Variants in TLE3 observed in about 807,000 individuals in gnomAD.
The protein encoded by TLE3 is transducin-like enhancer protein 3.
TLE3 carries 14 observed loss-of-function variants against 93.0 expected under a neutral mutation model. The ratio of observed to expected loss-of-function variants is 0.15; its 90% CI spans 0.10 to 0.24. The LOEUF (loss-of-function observed/expected upper bound fraction) is 0.24, where lower values mean the gene tolerates loss of function less well. Among genes scored for constraint, TLE3 ranks in the 10% least tolerant of loss-of-function variants. The pLI is 1.00. For missense variants in TLE3, 693 were observed against 1,046.6 expected (o/e 0.66, Z 4.66); for synonymous variants, 451 against 425.0 (o/e 1.06, Z -0.75).
At chr15:70,065,170 T>C (rs1003113991) in intron 7 of TLE3, among the ~76,000 whole-genome samples, 3 of 152,250 alleles carry the variant, frequency 2.0e-5, no homozygotes, top group African/African-American at 7.2e-5. Context: ...CAAGGCAGGA[T>C]GGTGACATTC....
intron 1 of TLE3, 69 bp downstream of exon 1, chr15:70,096,706 T>C: frequency 6.3e-7 from 1 of 1,591,666 alleles, no homozygotes; most frequent in Non-Finnish European, 8.6e-7. Flanking sequence ...AAAATGGAGG[T>C]GCCAGATAAA....
At chr15:70,083,775 A>C (rs184338036) in intron 4 of TLE3, among the ~76,000 whole-genome samples, 1,908 of 152,088 alleles carry the variant, frequency 0.013, 20 homozygotes, top group South Asian at 0.068. Flanking sequence ...GTCTCCCCCC[A>C]TCAGGTCAGC....
Position 70,096,038 on chromosome 15 carries a change from A to G in TLE3, c.125+123T>C, listed in dbSNP as rs925388983. 1.1e-5 allele frequency: 12 copies of G among 1,119,604 alleles called. No homozygotes were observed. In the African/African-American group the frequency reaches 1.9e-4, roughly 18 times the overall value. The allele number at this position is 1,119,604 out of a possible 1,614,324, so 69.4% of individuals were successfully genotyped here. Reference sequence around the variant, plus strand: ...CTCGGAAAGGGGAAACAAAAGGCGGAGGCCCGGGCTGCCCCGCCGCCCCTA... The same window carrying G: ...CTCGGAAAGGGGAAACAAAAGGCGGGGGCCCGGGCTGCCCCGCCGCCCCTA... On this transcript the variant is annotated intron_variant, in intron 2 of 19. Transcript: ENST00000451782.
chr15:70,061,980 C>T (rs573105934), intron 8 of TLE3, among the ~76,000 whole-genome samples: 1 of 152,290 alleles, frequency 6.6e-6, no homozygotes, highest in South Asian at 2.1e-4. Flanking sequence ...TTCCCAGAGG[C>T]CAAGCGTGGC....
In TLE3 at chr15:70,053,400, G is replaced by A. The variant is rs955859168; in HGVS notation, c.1827-26C>T. ...CTACGAAAGCCAAGCAGGGAGGAGG[G>A]TGAGTCCCGGGAACCACAGACTGCC... On this transcript the variant is annotated intron_variant, in intron 16 of 19. Coordinates refer to ENST00000451782, the MANE Select transcript of TLE3 (RefSeq NM_001105192.3). 6.3e-6 allele frequency: 10 copies of A among 1,585,848 alleles called. No homozygotes were observed. In the South Asian group the frequency reaches 8.0e-5, roughly 13 times the overall value.
intron 6 of TLE3, among the ~76,000 whole-genome samples, chr15:70,069,421 CA>C (rs770901140): frequency 1.2e-4 from 18 of 152,334 alleles, no homozygotes; most frequent in Middle Eastern, 6.8e-3. Flanking sequence ...GTTTGGCAGA[CA>C]GTGGCTTTCA....
intron 17 of TLE3, chr15:70,052,741 T>A: frequency 2.6e-6 from 1 of 389,286 alleles, no homozygotes; most frequent in Non-Finnish European, 4.5e-6. Flanking sequence ...GAGACTTTCA[T>A]CTTTCCTTAA....
At chr15:70,079,667 A>G (rs2057661387) in intron 4 of TLE3, among the ~76,000 whole-genome samples, 1 of 151,928 alleles carries the variant, frequency 6.6e-6, no homozygotes, top group Non-Finnish European at 1.5e-5. Context: ...CAACATTTTA[A>G]AGAAATGTTT....
chr15:70,065,979 G>GCCCCCCCC, intron 7 of TLE3, 35 bp downstream of exon 7: 1 of 1,089,102 alleles, frequency 9.2e-7, no homozygotes, highest in Non-Finnish European at 1.4e-6. Context: ...GCCCACCCCT[G>GCCCCCCCC]CCCCGCCCCA....
At chr15:70,087,031 A>G (rs553990239) in intron 4 of TLE3, among the ~76,000 whole-genome samples, 1 of 152,342 alleles carries the variant, frequency 6.6e-6, no homozygotes, top group African/African-American at 2.4e-5. Flanking sequence ...TCAGAAAACT[A>G]AGAAAGCTTC....
intron 7 of TLE3, 56 bp downstream of exon 7, chr15:70,065,958 T>C: frequency 6.7e-7 from 1 of 1,483,954 alleles, no homozygotes; most frequent in Non-Finnish European, 9.3e-7. Context: ...GTGAGGCCTA[T>C]GAGCGCCCAT....
rs1255090675 is a variant in TLE3, at chr15:70,056,298, G to C, written c.1328C>G (p.Pro443Arg). 6.2e-7 allele frequency: 1 copy of C among 1,613,608 alleles called. No homozygotes were observed. The highest frequency in any genetic ancestry group is 8.5e-7 in the Non-Finnish European group (1 of 1,179,868). ...TGCAGTAAGTATAGCCAAAGCTTAC[G>C]GTTTTCCTCCAGGAATGGAGGCCAG... ...SSLASIPGGK[P>R]AYSFHVSADG... Residue 443 changes from proline (P) to arginine (R), a missense_variant and splice_region_variant, in exon 14 of 20, where the codon CCA becomes CGA. Pro to Arg is a moderately radical substitution (Grantham distance 103). Transcript: ENST00000451782.
chr15:70,060,280 C>A (rs2056380307), intron 9 of TLE3, among the ~76,000 whole-genome samples: 1 of 152,154 alleles, frequency 6.6e-6, no homozygotes. Flanking sequence ...TGGGAAGAGA[C>A]CCCATGGAGG....
intron 4 of TLE3, among the ~76,000 whole-genome samples, chr15:70,091,776 G>A (rs536057278): frequency 4.1e-4 from 62 of 152,246 alleles, no homozygotes; most frequent in African/African-American, 1.4e-3. Context: ...CAATACCCGG[G>A]CCCATCTGGC....
In TLE3 at chr15:70,058,520, G is replaced by A. The variant is rs1406881833; in HGVS notation, c.918+143C>T. On this transcript the variant is annotated intron_variant, in intron 11 of 19. Transcript: ENST00000451782. This position sits in a 1 kb window ranked among gnomAD's most constrained non-coding sequence, Gnocchi z 4.1. ...TCAGAAACGTTAACTCATTAGCACA[G>A]GCCCAGCAGGCACAGAAGGTAAACC... 7.5e-7 allele frequency: 1 copy of A among 1,337,072 alleles called. No homozygotes were observed. Among genetic ancestry groups the A allele is most frequent in the East Asian group, 2.5e-5 (1 of 39,478 alleles). The allele number at this position is 1,337,072 out of a possible 1,614,324, so 82.8% of individuals were successfully genotyped here.
At chr15:70,096,709 C>G (rs1311261845) in intron 1 of TLE3, 66 bp downstream of exon 1, 4 of 1,596,112 alleles carry the variant, frequency 2.5e-6, no homozygotes, top group Admixed American at 3.5e-5. Context: ...ATGGAGGTGC[C>G]AGATAAACTG....
chr15:70,095,500 C>T, intron 3 of TLE3, 78 bp downstream of exon 3: 9 of 1,547,502 alleles, frequency 5.8e-6, no homozygotes, highest in South Asian at 1.2e-5. Flanking sequence ...ACCTGGCGCT[C>T]ATCTCCCCAG....
chr15:70,052,445 T>C lies in TLE3; in HGVS notation c.2054A>G (p.His685Arg), dbSNP rs2055632664. 1 of 1,613,874 alleles carries C rather than the reference T, an allele frequency of 6.2e-7. No homozygotes were observed. Among genetic ancestry groups the C allele is most frequent in the Non-Finnish European group, 8.5e-7 (1 of 1,179,918 alleles). Residue 685 changes from histidine to arginine, a missense_variant, in exon 18 of 20, where the codon CAC (histidine) becomes CGC (arginine). Coordinates refer to ENST00000451782, the MANE Select transcript of TLE3 (RefSeq NM_001105192.3). ...CAGCTGGTACTTGTCAGGCTTGGTG[T>C]GGTGCAGCACCTCCACGTTGCTGCT... ...MESSNVEVLH[H>R]TKPDKYQLHL...
intron 4 of TLE3, among the ~76,000 whole-genome samples, chr15:70,086,642 C>A (rs987065464): frequency 6.6e-6 from 1 of 152,106 alleles, no homozygotes; most frequent in South Asian, 2.1e-4. Context: ...TATCGGCCTG[C>A]GGTAGTTTTC....
Sources: allele counts gnomAD v4.1 joint callset (sites outside exome capture counted in the v4.1 genomes callset), GRCh38; gene constraint gnomAD v4.1.1; non-coding constraint Gnocchi (gnomAD v3.1); transcripts MANE v1.5; gene names NCBI Gene and HGNC (gene_info 2026-07-23, HGNC 2026-07-21).